Variants in GALNT13 observed in about 807,000 individuals in gnomAD.
GALNT13 encodes UDP-GalNAc:polypeptide N-acetylgalactosaminyltransferase 13.
Under a neutral mutation model 64.2 loss-of-function variants are expected in GALNT13, and 28 were observed. The ratio of observed to expected loss-of-function variants is 0.44; its 90% CI spans 0.32 to 0.60. The LOEUF is 0.60. Ranked by LOEUF, GALNT13 falls within the 20% of genes least tolerant of loss-of-function variation. The pLI is 0.05. For missense variants in GALNT13, 577 were observed against 669.8 expected (o/e 0.86, Z 1.53); for synonymous variants, 214 against 224.6 (o/e 0.95, Z 0.42).
At chr2:153,505,283 A>G in the GALNT13 span, among the ~76,000 whole-genome samples, 1 of 151,864 alleles carries the variant, frequency 6.6e-6, no homozygotes. Context: ...GTTTAATCTC[A>G]CTAATGGTCT....
the GALNT13 span, among the ~76,000 whole-genome samples, chr2:153,810,069 T>G: frequency 6.6e-6 from 1 of 152,192 alleles, no homozygotes; most frequent in African/African-American, 2.4e-5. Flanking sequence ...CACACCATTC[T>G]CCTGCCTCAG....
the GALNT13 span, among the ~76,000 whole-genome samples, chr2:153,837,329 T>A: frequency 1.3e-5 from 2 of 152,218 alleles, no homozygotes; most frequent in East Asian, 3.8e-4. Context: ...TCTGTTCATA[T>A]CCTTTGCCCA....
chr2:153,501,471 A>G, the GALNT13 span, among the ~76,000 whole-genome samples: 1 of 152,136 alleles, frequency 6.6e-6, no homozygotes, highest in Non-Finnish European at 1.5e-5. Context: ...AGCCAGAATT[A>G]CAGGCGCAAA....
intron 3 of GALNT13, 25 bp downstream of exon 3, chr2:153,944,664 GTCTT>G (rs779241418): frequency 9.0e-5 from 142 of 1,582,948 alleles, no homozygotes; most frequent in Non-Finnish European, 1.1e-5. Context: ...AGCAAATACT[GTCTT>G]TATAGAGATG....
At chr2:153,719,961 A>T in the GALNT13 span, among the ~76,000 whole-genome samples, 1 of 152,062 alleles carries the variant, frequency 6.6e-6, no homozygotes, top group Non-Finnish European at 1.5e-5. Flanking sequence ...AGCCCACCAC[A>T]GCTCAAGGAG....
At chr2:153,833,838 A>G in the GALNT13 span, among the ~76,000 whole-genome samples, 3 of 152,196 alleles carry the variant, frequency 2.0e-5, no homozygotes, top group South Asian at 4.2e-4. Context: ...TGGGAGATTT[A>G]TATTTTGGCA....
At chr2:154,169,025 A>G (rs970694728) in intron 4 of GALNT13, among the ~76,000 whole-genome samples, 1 of 152,024 alleles carries the variant, frequency 6.6e-6, no homozygotes, top group Non-Finnish European at 1.5e-5. Context: ...GACAGAAAAG[A>G]CAAGAGAGAG....
At chr2:153,848,992 A>T in the GALNT13 span, among the ~76,000 whole-genome samples, 4 of 151,538 alleles carry the variant, frequency 2.6e-5, no homozygotes, top group Non-Finnish European at 5.9e-5. Context: ...TTACAAAAAA[A>T]AGAGAAAATT....
At chr2:153,819,868 C>T in the GALNT13 span, among the ~76,000 whole-genome samples, 1 of 152,144 alleles carries the variant, frequency 6.6e-6, no homozygotes, top group Non-Finnish European at 1.5e-5. Context: ...TGTTGCAACA[C>T]CACCAAAGGA....
chr2:153,471,971 A>G, the GALNT13 span, among the ~76,000 whole-genome samples: 1 of 152,234 alleles, frequency 6.6e-6, no homozygotes, highest in African/African-American at 2.4e-5. Flanking sequence ...AACATGTTTC[A>G]TGAGTATACA....
At chr2:153,388,401 C>T in the GALNT13 span, among the ~76,000 whole-genome samples, 5,182 of 152,078 alleles carry the variant, frequency 0.034, 266 homozygotes, top group African/African-American at 0.12. Flanking sequence ...TCTCATGAGA[C>T]GACTTCCCTC....
chr2:153,356,408 C>G, the GALNT13 span: 2 of 152,114 alleles, frequency 1.3e-5, no homozygotes, highest in Non-Finnish European at 2.9e-5. Flanking sequence ...ATGTAGTAAG[C>G]CTTGGGGCAT....
chr2:153,151,953 A>G, the GALNT13 span, among the ~76,000 whole-genome samples: 1 of 152,056 alleles, frequency 6.6e-6, no homozygotes, highest in Non-Finnish European at 1.5e-5. Flanking sequence ...CACATTGTGC[A>G]CATGTACCCT....
intron 3 of GALNT13, among the ~76,000 whole-genome samples, chr2:154,031,749 T>G (rs1279809502): frequency 6.6e-6 from 1 of 151,802 alleles, no homozygotes; most frequent in African/African-American, 2.4e-5. Flanking sequence ...CAACATAAAT[T>G]CAAAATATAT....
At chr2:154,423,769 T>C (rs1404513415) in intron 11 of GALNT13, among the ~76,000 whole-genome samples, 2 of 152,182 alleles carry the variant, frequency 1.3e-5, no homozygotes, top group East Asian at 3.8e-4. Flanking sequence ...TTCCCTGGCA[T>C]GTGTGCTGTG....
intron 3 of GALNT13, among the ~76,000 whole-genome samples, chr2:154,070,749 C>T (rs1700696926): frequency 1.3e-5 from 2 of 151,914 alleles, no homozygotes; most frequent in South Asian, 4.2e-4. Context: ...GAAACCCCAT[C>T]TCTACTGACA....
chr2:153,664,155 A>C, the GALNT13 span, among the ~76,000 whole-genome samples: 1 of 152,140 alleles, frequency 6.6e-6, no homozygotes, highest in Non-Finnish European at 1.5e-5. Flanking sequence ...GAATTTCCTA[A>C]TCCTAGCAAG....
At chr2:153,732,796 A>C in the GALNT13 span, among the ~76,000 whole-genome samples, 1 of 152,116 alleles carries the variant, frequency 6.6e-6, no homozygotes, top group Non-Finnish European at 1.5e-5. Flanking sequence ...TTTGGATCTC[A>C]AGAAAAGTGG....
chr2:153,261,061 T>A, the GALNT13 span, among the ~76,000 whole-genome samples: 10 of 152,194 alleles, frequency 6.6e-5, no homozygotes, highest in African/African-American at 2.4e-4. Context: ...TTCATTATTT[T>A]TATTTCTTTG....
Sources: allele counts gnomAD v4.1 joint callset (sites outside exome capture counted in the v4.1 genomes callset), GRCh38; gene constraint gnomAD v4.1.1; transcripts MANE v1.5; gene names NCBI Gene and HGNC (gene_info 2026-07-23, HGNC 2026-07-21).